LAMA2: variants seen among roughly 807,000 people sequenced by gnomAD.
The protein encoded by LAMA2 is laminin subunit alpha 2.
A neutral mutation model predicts 364.8 loss-of-function variants in LAMA2; 269 were observed. That is an observed-to-expected ratio of 0.74 (90% CI 0.67 to 0.82). LAMA2 has a LOEUF of 0.82. Ranked by LOEUF, LAMA2 falls within the 40% of genes least tolerant of loss-of-function variation. The probability of loss-of-function intolerance (pLI) is 0.00; values close to 1 mark genes in which losing one functional copy is unlikely to be tolerated. For missense variants in LAMA2, 3,807 were observed against 3,873.2 expected (o/e 0.98, Z 0.45); for synonymous variants, 1,379 against 1,370.6 (o/e 1.01, Z -0.14).
intron 3 of LAMA2, among the ~76,000 whole-genome samples, chr6:129,092,360 G>A (rs1380240667): frequency 6.6e-6 from 1 of 152,146 alleles, no homozygotes; most frequent in Non-Finnish European, 1.5e-5. Context: ...TTATTCCAAT[G>A]GGTATTAAGC....
intron 32 of LAMA2, among the ~76,000 whole-genome samples, chr6:129,365,727 C>A (rs1308502289): frequency 6.6e-6 from 1 of 150,884 alleles, no homozygotes; most frequent in South Asian, 2.1e-4. Flanking sequence ...AATTTATATA[C>A]TTTTTGAATG....
intron 2 of LAMA2, among the ~76,000 whole-genome samples, chr6:129,058,666 T>A (rs539847800): frequency 9.2e-5 from 14 of 152,314 alleles, no homozygotes; most frequent in Non-Finnish European, 1.6e-4. Flanking sequence ...AGTTAAAGAC[T>A]GGCCGCAAAA....
At chr6:129,324,843 A>G (rs1366519632) in intron 28 of LAMA2, among the ~76,000 whole-genome samples, 1 of 152,244 alleles carries the variant, frequency 6.6e-6, no homozygotes, top group Non-Finnish European at 1.5e-5. Context: ...ATTGACCAAA[A>G]TGTCATTATG....
At chr6:129,034,870 A>G (rs1322693856) in intron 1 of LAMA2, among the ~76,000 whole-genome samples, 1 of 152,152 alleles carries the variant, frequency 6.6e-6, no homozygotes, top group East Asian at 1.9e-4. Flanking sequence ...TTCTTTGTCC[A>G]ACCAACACAT....
intron 12 of LAMA2, among the ~76,000 whole-genome samples, chr6:129,234,923 G>A (rs1244129762): frequency 2.0e-5 from 3 of 152,092 alleles, no homozygotes; most frequent in Non-Finnish European, 4.4e-5. Flanking sequence ...TGAGGTCTAT[G>A]TTTTTGAGTG....
chr6:129,426,465 C>CTT (rs924901674), intron 40 of LAMA2, among the ~76,000 whole-genome samples: 1 of 145,404 alleles, frequency 6.9e-6, no homozygotes, highest in Non-Finnish European at 1.5e-5. Context: ...TTTTGACACT[C>CTT]TTTTTTTTTT....
intron 2 of LAMA2, among the ~76,000 whole-genome samples, chr6:129,053,720 A>G (rs922279451): frequency 2.0e-5 from 3 of 152,314 alleles, no homozygotes; most frequent in South Asian, 2.1e-4. Flanking sequence ...TCCATTGAAC[A>G]CCTTTCTAAA....
At chr6:129,089,857 C>G (rs1294568320) in intron 3 of LAMA2, among the ~76,000 whole-genome samples, 4 of 152,114 alleles carry the variant, frequency 2.6e-5, no homozygotes. Flanking sequence ...TACTCGTTTT[C>G]TTAAGACTGG....
At chr6:129,441,664 T>C (rs1222730704) in intron 43 of LAMA2, among the ~76,000 whole-genome samples, 3 of 152,122 alleles carry the variant, frequency 2.0e-5, no homozygotes, top group African/African-American at 7.2e-5. Flanking sequence ...AATGCATTTT[T>C]CCTTTTCCGT....
chr6:129,510,907 C>T (rs113107476), intron 62 of LAMA2, among the ~76,000 whole-genome samples: 33 of 152,184 alleles, frequency 2.2e-4, no homozygotes, highest in African/African-American at 7.5e-4. Context: ...TGCTGAACCC[C>T]GAATTCCATG....
chr6:129,152,994 A>G (rs1397338889), intron 7 of LAMA2, among the ~76,000 whole-genome samples: 1 of 152,192 alleles, frequency 6.6e-6, no homozygotes. Context: ...ACACACACAC[A>G]CACACACGTG....
intron 55 of LAMA2, 29 bp from the exon 56 acceptor site, chr6:129,486,445 T>G (rs1784588114): frequency 6.2e-7 from 1 of 1,610,876 alleles, no homozygotes; most frequent in Non-Finnish European, 8.5e-7. Context: ...GACTTCTGTT[T>G]AATCTTCAAT....
At chr6:129,409,638 C>A (rs1780425510) in intron 40 of LAMA2, among the ~76,000 whole-genome samples, 1 of 152,176 alleles carries the variant, frequency 6.6e-6, no homozygotes, top group Non-Finnish European at 1.5e-5. Flanking sequence ...TAGTGATCTG[C>A]AGAAGATGGC....
intron 8 of LAMA2, among the ~76,000 whole-genome samples, chr6:129,160,720 G>A (rs939661929): frequency 6.6e-6 from 1 of 151,654 alleles, no homozygotes; most frequent in African/African-American, 2.4e-5. Context: ...CCTTCTAGCA[G>A]TTCTTTAGCT....
chr6:129,122,252 AG>A (rs917143888), intron 4 of LAMA2, among the ~76,000 whole-genome samples: 1 of 152,212 alleles, frequency 6.6e-6, no homozygotes, highest in Admixed American at 6.5e-5. Flanking sequence ...AATATTTATT[AG>A]GTAGTTTTTG....
chr6:128,885,287 G>T (rs147655191), intron 1 of LAMA2, among the ~76,000 whole-genome samples: 2 of 152,012 alleles, frequency 1.3e-5, no homozygotes, highest in African/African-American at 4.8e-5. Context: ...CTTTAAAATT[G>T]GATAGTGATT....
intron 10 of LAMA2, among the ~76,000 whole-genome samples, chr6:129,184,982 A>G (rs1221997653): frequency 6.6e-6 from 1 of 151,954 alleles, no homozygotes; most frequent in Non-Finnish European, 1.5e-5. Context: ...CTAATTAACT[A>G]ATTATCCTTC....
Position 129,177,824 on chromosome 6 carries a change from G to A in LAMA2, c.1425G>A (p.Gly475=), listed in dbSNP as rs758436223. The part of the protein sequence containing the change: ...DCKACNCSGL[G]SKNEDPCFGP... The stretch of plus-strand genomic sequence containing the variant: ...AAGCCTGTAACTGCAGTGGGTTAGG[G>A]AGCAAAAATGAGGATCCTTGTTTTG... The change falls in exon 10 of 65, where the codon GGG becomes GGA. Residue 475 remains glycine (G), a synonymous_variant. Transcript: ENST00000421865. 6.2e-7 allele frequency: 1 copy of A among 1,613,924 alleles called. No homozygotes were observed. Among genetic ancestry groups the A allele is most frequent in the East Asian group, 2.2e-5 (1 of 44,870 alleles).
chr6:129,108,918 G>T (rs1037850500), intron 4 of LAMA2, among the ~76,000 whole-genome samples: 3 of 151,998 alleles, frequency 2.0e-5, no homozygotes, highest in Non-Finnish European at 2.9e-5. Context: ...TACCTGATTT[G>T]GTTTTAATAA....
Sources: allele counts gnomAD v4.1 joint callset (sites outside exome capture counted in the v4.1 genomes callset), GRCh38; gene constraint gnomAD v4.1.1; transcripts MANE v1.5; gene names NCBI Gene and HGNC (gene_info 2026-07-23, HGNC 2026-07-21).